Variants in DPH6 observed in about 807,000 individuals in gnomAD.
The protein encoded by DPH6 is diphthamine biosynthesis 6.
In DPH6, 33 loss-of-function variants were observed where a neutral mutation model predicts 38.2. The ratio of observed to expected loss-of-function variants is 0.86; its 90% confidence interval spans 0.65 to 1.15. The LOEUF (loss-of-function observed/expected upper bound fraction) is 1.15, where lower values mean the gene tolerates loss of function less well. Among genes scored for constraint, DPH6 ranks in the 50% most tolerant of loss-of-function variants. The pLI is 0.00. For synonymous variants in DPH6, 108 were observed against 103.0 expected (o/e 1.05, Z -0.30); for missense variants, 325 against 320.0 (o/e 1.02, Z -0.12).
At chr15:35,248,310 TACTCTA>T (rs1263371956) in intron 3 of DPH6, among the ~76,000 whole-genome samples, 1 of 152,210 alleles carries the variant, frequency 6.6e-6, no homozygotes, top group Non-Finnish European at 1.5e-5. Context: ...CTAAAATTAC[TACTCTA>T]ACTTTCCCCC....
intron 3 of DPH6, among the ~76,000 whole-genome samples, chr15:35,463,515 CAT>C (rs1382076725): frequency 2.0e-5 from 3 of 152,032 alleles, no homozygotes; most frequent in Non-Finnish European, 4.4e-5. Flanking sequence ...CATTAAAAGA[CAT>C]ATTTTCAAAG....
rs59019048 is a variant in DPH6, at chr15:35,528,521, C to T, written c.312+9753G>A. ...AGTCCAATCAATCTCTCTAGAATGT[C>T]CCCTTTTCACCTTTCCCCTTGGCAT... On this transcript the variant is annotated intron_variant, in intron 3 of 8. Coordinates refer to ENST00000256538, the MANE Select transcript of DPH6 (RefSeq NM_080650.4). Among the ~76,000 whole-genome samples the T allele has an allele frequency of 3.1e-3, 470 of 152,206 alleles. 3 individuals are homozygous for T. The East Asian group carries it at 0.034, about 11-fold the overall frequency.
chr15:35,214,232 T>A (rs1028467632), downstream of DPH6, among the ~76,000 whole-genome samples: 3 of 152,152 alleles, frequency 2.0e-5, no homozygotes, highest in Non-Finnish European at 4.4e-5. Context: ...GGTGGTGTCC[T>A]CAAAAGTGAC....
intron 5 of DPH6, among the ~76,000 whole-genome samples, chr15:35,422,116 AAT>A (rs34311414): frequency 6.7e-6 from 1 of 149,954 alleles, no homozygotes. Flanking sequence ...TATTCCTTCA[AAT>A]ATATATATAT....
At chr15:35,431,525 T>C (rs540152076) in intron 5 of DPH6, among the ~76,000 whole-genome samples, 8 of 152,234 alleles carry the variant, frequency 5.3e-5, no homozygotes, top group African/African-American at 1.9e-4. Flanking sequence ...GAAGTGCTCC[T>C]TAAGCTAAGG....
chr15:35,523,012 A>G (rs1170734879), intron 3 of DPH6, among the ~76,000 whole-genome samples: 1 of 152,054 alleles, frequency 6.6e-6, no homozygotes, highest in African/African-American at 2.4e-5. Flanking sequence ...ATTTTCAAGT[A>G]TATTTTAAAT....
At chr15:35,459,123 A>G (rs780898172) in intron 3 of DPH6, among the ~76,000 whole-genome samples, 9 of 152,238 alleles carry the variant, frequency 5.9e-5, no homozygotes, top group Admixed American at 3.9e-4. Context: ...TACTGTCACA[A>G]CAAAATACCA....
At position 35,346,142 on chromosome 15, in the gene DPH6, TTTCCAACAGA is replaced by T. The variant is rs1310754517; in HGVS notation, n.208-15075_208-15066del. Among the ~76,000 whole-genome samples, 4 of 152,004 alleles carry T rather than the reference TTTCCAACAGA, an allele frequency of 2.6e-5. No homozygotes were observed. The East Asian group carries it at 7.7e-4, about 29-fold the overall frequency. On this transcript the variant is annotated intron_variant and non_coding_transcript_variant, in intron 3 of 3. Transcript: ENST00000558973. ...ACATGCAGTCATCTTTTCCAAAACA[TTTCCAACAGA>T]AATGCTGGTTATACTTAACAGAATC... is the stretch of plus-strand genomic sequence containing the variant.
intron 3 of DPH6, among the ~76,000 whole-genome samples, chr15:35,314,782 T>C (rs1192500195): frequency 6.6e-6 from 1 of 152,196 alleles, no homozygotes; most frequent in Non-Finnish European, 1.5e-5. Context: ...AATCATTGTA[T>C]TGAAGTGTCG....
chr15:35,436,708 T>C (rs1414948284), intron 5 of DPH6, among the ~76,000 whole-genome samples: 1 of 151,892 alleles, frequency 6.6e-6, no homozygotes, highest in South Asian at 2.1e-4. Flanking sequence ...TAAGTTTTTT[T>C]TGTTTTTCTC....
intron 1 of DPH6, among the ~76,000 whole-genome samples, chr15:35,543,171 G>C (rs1340754483): frequency 2.7e-5 from 4 of 145,624 alleles, no homozygotes; most frequent in African/African-American, 1.0e-4. Context: ...TAAAAAACAA[G>C]ATGCTGACTT....
chr15:35,519,360 A>G (rs994541674), intron 3 of DPH6: 1 of 151,966 alleles, frequency 6.6e-6, no homozygotes, highest in Non-Finnish European at 1.5e-5. Context: ...AGAAAAAACA[A>G]GTACAAAGGA....
chr15:35,264,732 A>G (rs1317672038), intron 3 of DPH6, among the ~76,000 whole-genome samples: 1 of 152,234 alleles, frequency 6.6e-6, no homozygotes, highest in African/African-American at 2.4e-5. Context: ...TCATTCATTC[A>G]TTCATTCAAC....
the DPH6 span, among the ~76,000 whole-genome samples, chr15:35,176,096 T>A: frequency 6.6e-6 from 1 of 152,210 alleles, no homozygotes; most frequent in East Asian, 1.9e-4. Flanking sequence ...TTTCCAGACT[T>A]CAAATGATGA....
chr15:35,345,374 T>C (rs969696245), intron 3 of DPH6, among the ~76,000 whole-genome samples: 4 of 151,888 alleles, frequency 2.6e-5, no homozygotes, highest in Admixed American at 2.6e-4. Context: ...TTCTTGCCCA[T>C]TCCACTGGTT....
chr15:35,312,434 G>A (rs965806997), intron 3 of DPH6, among the ~76,000 whole-genome samples: 1 of 152,152 alleles, frequency 6.6e-6, no homozygotes, highest in Non-Finnish European at 1.5e-5. Context: ...GAATCCAGGT[G>A]TCCACAAACT....
At chr15:35,410,592 C>G (rs2053353039) in intron 6 of DPH6, among the ~76,000 whole-genome samples, 1 of 151,640 alleles carries the variant, frequency 6.6e-6, no homozygotes, top group Non-Finnish European at 1.5e-5. Context: ...TAAAAATAGA[C>G]TTTCTGACAG....
chr15:35,486,072 G>A (rs1280297584), intron 3 of DPH6, among the ~76,000 whole-genome samples: 1 of 152,180 alleles, frequency 6.6e-6, no homozygotes, highest in Non-Finnish European at 1.5e-5. Flanking sequence ...AAGGAAAGAG[G>A]TTTAATTGAC....
chr15:35,452,582 AT>A (rs1313449872), intron 4 of DPH6, among the ~76,000 whole-genome samples: 2 of 151,846 alleles, frequency 1.3e-5, no homozygotes, highest in African/African-American at 4.8e-5. Flanking sequence ...AAATATCACT[AT>A]TTTTTTCATT....
Sources: gnomAD v4.1 joint callset for allele counts (sites outside exome capture counted in the v4.1 genomes callset) on GRCh38, gnomAD v4.1.1 for gene constraint, MANE v1.5 for transcripts, NCBI Gene and HGNC (gene_info 2026-07-23, HGNC 2026-07-21) for gene names.